The following PCDH15 variants were observed in gnomAD, a reference collection of about 807,000 sequenced individuals.
The protein encoded by PCDH15 is protocadherin-15.
In PCDH15, 129 loss-of-function variants were observed where a neutral mutation model predicts 178.5. The ratio of observed to expected loss-of-function variants is 0.72; its 90% CI spans 0.63 to 0.84. PCDH15 has a LOEUF of 0.84. Among genes scored for constraint, PCDH15 ranks in the 40% least tolerant of loss-of-function variants. The probability of loss-of-function intolerance (pLI) is 0.00; values close to 1 mark genes in which losing one functional copy is unlikely to be tolerated. For synonymous variants in PCDH15, 800 were observed against 732.0 expected, an observed-to-expected ratio of 1.09 and a Z score of -1.50; for missense variants, 2,230 against 2,099.9, an observed-to-expected ratio of 1.06 and a Z score of -1.21.
At chr10:55,037,680 T>C (rs10825447) in intron 2 of PCDH15, among the ~76,000 whole-genome samples, 59,059 of 152,064 alleles carry the variant, frequency 0.39, 13,523 homozygotes, top group East Asian at 0.5. Flanking sequence ...TTCTGAAGAT[T>C]GTAAAATATC....
At chr10:54,677,805 TC>T (rs1226378912) in intron 1 of PCDH15, among the ~76,000 whole-genome samples, 1 of 152,192 alleles carries the variant, frequency 6.6e-6, no homozygotes, top group Non-Finnish European at 1.5e-5. Context: ...TTATGTGCCA[TC>T]CAGACCATGT....
At chr10:55,471,430 C>T (rs1359727234) in intron 2 of PCDH15, among the ~76,000 whole-genome samples, 1 of 152,110 alleles carries the variant, frequency 6.6e-6, no homozygotes, top group Non-Finnish European at 1.5e-5. Flanking sequence ...CTACATTAAC[C>T]ATGACTGGCT....
intron 9 of PCDH15, among the ~76,000 whole-genome samples, chr10:54,231,081 G>A (rs1228927519): frequency 6.6e-6 from 1 of 152,092 alleles, no homozygotes; most frequent in Non-Finnish European, 1.5e-5. Flanking sequence ...TATGATTAAG[G>A]GGTCTACAGA....
intron 2 of PCDH15, among the ~76,000 whole-genome samples, chr10:55,537,596 T>G (rs1841609365): frequency 6.6e-6 from 1 of 152,016 alleles, no homozygotes; most frequent in Admixed American, 6.6e-5. Flanking sequence ...CCATCACACC[T>G]GGCTAATTTT....
intron 11 of PCDH15, among the ~76,000 whole-genome samples, chr10:54,194,608 ATATG>A (rs1564648730): frequency 8.7e-6 from 1 of 115,442 alleles, no homozygotes; most frequent in East Asian, 5.7e-4. Flanking sequence ...TGTTTTATAT[ATATG>A]TGTGTGTGTG....
At chr10:55,499,166 G>A (rs941849295) in intron 2 of PCDH15, among the ~76,000 whole-genome samples, 3 of 151,668 alleles carry the variant, frequency 2.0e-5, no homozygotes, top group African/African-American at 7.3e-5. Flanking sequence ...CTGAGCAGGG[G>A]AAATAGCTTA....
At chr10:55,481,543 T>C (rs1395998781) in intron 2 of PCDH15, among the ~76,000 whole-genome samples, 1 of 151,880 alleles carries the variant, frequency 6.6e-6, no homozygotes, top group African/African-American at 2.4e-5. Context: ...GCCTTTCTTC[T>C]CATTAGTTTC....
intron 17 of PCDH15, among the ~76,000 whole-genome samples, chr10:54,070,483 C>T (rs575334488): frequency 2.6e-5 from 4 of 152,240 alleles, no homozygotes; most frequent in African/African-American, 7.2e-5. Context: ...GGATTACAGG[C>T]GTGAGCCATC....
At chr10:55,063,556 G>A (rs1033868056) in intron 2 of PCDH15, among the ~76,000 whole-genome samples, 1 of 152,000 alleles carries the variant, frequency 6.6e-6, no homozygotes, top group Non-Finnish European at 1.5e-5. Flanking sequence ...TGTATACATG[G>A]GGAGAATTAC....
At chr10:55,604,275 G>C (rs1450785046) in intron 2 of PCDH15, among the ~76,000 whole-genome samples, 2 of 99,694 alleles carry the variant, frequency 2.0e-5, no homozygotes, top group East Asian at 3.4e-4. Context: ...AAGAGACTTA[G>C]ACTCCCACAC....
intron 1 of PCDH15, among the ~76,000 whole-genome samples, chr10:55,274,885 C>T (rs990697915): frequency 6.6e-5 from 10 of 152,160 alleles, no homozygotes; most frequent in Middle Eastern, 3.4e-3. Flanking sequence ...AATCTAAAAC[C>T]ACCACTGATA....
chr10:54,387,420 T>A (rs1281655952), intron 3 of PCDH15, among the ~76,000 whole-genome samples: 3 of 152,156 alleles, frequency 2.0e-5, no homozygotes, highest in African/African-American at 7.2e-5. Flanking sequence ...TTCTGACACA[T>A]GCTACAACAT....
chr10:54,255,069 C>T (rs1404027661), intron 8 of PCDH15, among the ~76,000 whole-genome samples: 3 of 152,128 alleles, frequency 2.0e-5, no homozygotes, highest in Non-Finnish European at 4.4e-5. Context: ...GGGGGTGACC[C>T]CAGAAAGCAC....
At chr10:54,830,471 A>C (rs903403243) in intron 3 of PCDH15, among the ~76,000 whole-genome samples, 1 of 152,102 alleles carries the variant, frequency 6.6e-6, no homozygotes, top group African/African-American at 2.4e-5. Context: ...ATTCTCAGCA[A>C]ACTATCGCAA....
chr10:54,320,585 TTTA>T (rs35728431), intron 7 of PCDH15, among the ~76,000 whole-genome samples: 39,279 of 122,058 alleles, frequency 0.32, 6,347 homozygotes, highest in Middle Eastern at 0.45. Context: ...TATTTTAAAT[TTTA>T]AAAAAAAATA....
At chr10:55,444,674 GGAA>G (rs768765237) in intron 2 of PCDH15, among the ~76,000 whole-genome samples, 1 of 152,246 alleles carries the variant, frequency 6.6e-6, no homozygotes, top group East Asian at 1.9e-4. Context: ...AAAACAGCAA[GGAA>G]GAAGAAATCT....
chr10:54,519,493 T>A (rs990883433), intron 3 of PCDH15, among the ~76,000 whole-genome samples: 23 of 152,080 alleles, frequency 1.5e-4, no homozygotes, highest in African/African-American at 5.6e-4. Context: ...TACCTAGAAA[T>A]CTGACTTACA....
chr10:54,329,649 T>C lies in PCDH15; in HGVS notation c.652A>G (p.Lys218Glu), dbSNP rs779520235. Reference protein sequence around the residue: ...LMLTGNIVLRKRLNYEDKTRY... With the variant: ...LMLTGNIVLRERLNYEDKTRY... ...GTCTTATCTTCATAGTTGAGCCTCT[T>C]CCTTAACACTATATTTCCAGTCAAC... Residue 218 changes from lysine to glutamate, a missense_variant, in exon 7 of 38, where the codon AAG becomes GAG. Lys to Glu is a moderately conservative substitution (Grantham distance 56). Transcript: ENST00000644397. 1.2e-6 allele frequency: 2 copies of C among 1,609,704 alleles called. No individual in the cohort carries two copies. Among genetic ancestry groups the C allele is most frequent in the East Asian group, 4.5e-5 (2 of 44,760 alleles).
intron 3 of PCDH15, among the ~76,000 whole-genome samples, chr10:54,832,194 A>C (rs539312428): frequency 6.6e-6 from 1 of 152,178 alleles, no homozygotes; most frequent in South Asian, 2.1e-4. Context: ...ACATAAAGAG[A>C]CTGATTTGGA....
Sources: allele counts gnomAD v4.1 joint callset (sites outside exome capture counted in the v4.1 genomes callset), GRCh38; gene constraint gnomAD v4.1.1; transcripts MANE v1.5; gene names NCBI Gene and HGNC (gene_info 2026-07-23, HGNC 2026-07-21).